ESR2: variants seen among roughly 807,000 people sequenced by gnomAD.
ESR2 encodes the protein estrogen receptor beta.
ESR2 carries 36 observed loss-of-function variants against 49.6 expected under a neutral mutation model. The ratio of observed to expected loss-of-function variants is 0.73; its 90% CI spans 0.56 to 0.96. The LOEUF (loss-of-function observed/expected upper bound fraction) is 0.96. Among genes scored for constraint, ESR2 ranks in the 40% least tolerant of loss-of-function variants. The pLI, the probability that ESR2 is intolerant of heterozygous loss-of-function variation, is 0.00. For synonymous variants in ESR2, 320 were observed against 266.1 expected (o/e 1.20, Z -1.97); for missense variants, 714 against 693.0 (o/e 1.03, Z -0.34).
rs1472427907 is a variant in ESR2, at chr14:64,229,526, C to G, written c.*3611G>C. 6.6e-6 allele frequency among the ~76,000 whole-genome samples: 1 copy of G among 152,126 alleles called. No homozygotes were observed. The highest frequency in any genetic ancestry group is 1.5e-5 in the Non-Finnish European group (1 of 68,018). On this transcript the variant is annotated 3_prime_UTR_variant, in exon 9 of 9. Coordinates refer to ENST00000341099, the MANE Select transcript of ESR2 (RefSeq NM_001437.3). ...ATTGTGGTGGGAGGTAAGGGGGTATCACAAGGGGGCCCCATTTAAATCACA... is the reference window on the plus strand; with the variant it reads ...ATTGTGGTGGGAGGTAAGGGGGTATGACAAGGGGGCCCCATTTAAATCACA...
In ESR2 at chr14:64,257,331, C is replaced by T. The variant is rs145661652; in HGVS notation, c.986G>A (p.Arg329Gln). Residue 329 changes from arginine to glutamine, a missense_variant, in exon 6 of 9, where the codon CGG (arginine) becomes CAG (glutamine). Coordinates refer to ENST00000341099, the MANE Select transcript of ESR2 (RefSeq NM_001437.3). Reference sequence around the variant, plus strand: ...CTCCATCCAACAGCTCTCCAAGAGCCGCACTTGGTCGAACAGGCTGAGCTC... The same window carrying T: ...CTCCATCCAACAGCTCTCCAAGAGCTGCACTTGGTCGAACAGGCTGAGCTC... Reference protein sequence around the residue: ...FVELSLFDQVRLLESCWMEVL... With the variant: ...FVELSLFDQVQLLESCWMEVL... 32 of 1,613,300 alleles carry T rather than the reference C, an allele frequency of 2.0e-5. No homozygotes were observed. Among genetic ancestry groups the T allele is most frequent in the African/African-American group, 5.3e-5 (4 of 74,868 alleles).
chr14:64,252,399 G>A (rs7157428), intron 6 of ESR2, among the ~76,000 whole-genome samples: 16,661 of 151,986 alleles, frequency 0.11, 1,240 homozygotes, highest in African/African-American at 0.21. Context: ...ACCTACTCAG[G>A]AAATTTATTT....
intron 1 of ESR2, chr14:64,332,407 T>G (rs1335090777): frequency 6.6e-6 from 1 of 152,222 alleles, no homozygotes; most frequent in African/African-American, 2.4e-5. Flanking sequence ...CAACAGAATG[T>G]AAATCTGGAT....
At position 64,249,193 on chromosome 14, in the gene ESR2, G is replaced by C. The variant is rs17101753; in HGVS notation, c.1225+353C>G. ...CTGAACGAATGAATCTGTAAAAAAG[G>C]AGGACCCCAGACATAAGTATAAATG... On this transcript the variant is annotated intron_variant, in intron 7 of 8. Transcript: ENST00000341099. Among the ~76,000 whole-genome samples the C allele has an allele frequency of 3.3e-5, 5 of 152,158 alleles. No individual in the cohort carries two copies. The South Asian group carries it at 8.3e-4, about 25-fold the overall frequency.
At chr14:64,263,654 AT>A (rs2076266958) in intron 4 of ESR2, among the ~76,000 whole-genome samples, 1 of 152,066 alleles carries the variant, frequency 6.6e-6, no homozygotes, top group Non-Finnish European at 1.5e-5. Flanking sequence ...GGTTGAAAAA[AT>A]AAATAAATAA....
Position 64,232,098 on chromosome 14 carries a change from A to G in ESR2, c.*1039T>C, listed in dbSNP as rs995763186. ...CAAGGGGCGTACTCATCAAGGCTAT[A>G]CAGTGTGGCCCCAGAGCTGACACAC... On this transcript the variant is annotated 3_prime_UTR_variant, in exon 9 of 9. Transcript: ENST00000341099. 2.6e-5 allele frequency: 4 copies of G among 152,188 alleles called. No individual in the cohort carries two copies. The highest frequency in any genetic ancestry group is 9.7e-5 in the African/African-American group (4 of 41,420). The allele number at this position is 152,188 out of a possible 1,614,324, so 9.4% of individuals were successfully genotyped here.
upstream of ESR2, among the ~76,000 whole-genome samples, chr14:64,295,013 C>T (rs1194920920): frequency 6.6e-6 from 1 of 152,204 alleles, no homozygotes; most frequent in Non-Finnish European, 1.5e-5. Context: ...TCTTCTCGGG[C>T]GAAGGCCCCT....
chr14:64,337,959 T>C (rs2077552309), exon 1 of ESR2: 1 of 152,774 alleles, frequency 6.5e-6, no homozygotes, highest in South Asian at 2.1e-4. Context: ...AGCAAGCACA[T>C]TCATCGGACT....
chr14:64,326,263 C>T (rs1397622949), intron 1 of ESR2, among the ~76,000 whole-genome samples: 1 of 152,090 alleles, frequency 6.6e-6, no homozygotes, highest in Non-Finnish European at 1.5e-5. Flanking sequence ...TTTCTACTGA[C>T]TACTCCTCAA....
chr14:64,275,429 A>C (rs553249157), intron 3 of ESR2, among the ~76,000 whole-genome samples: 17 of 152,166 alleles, frequency 1.1e-4, no homozygotes, highest in African/African-American at 3.9e-4. Context: ...ATTTGCATGA[A>C]ATATTTTTCC....
chr14:64,274,864 G>C (rs532750964), intron 3 of ESR2, among the ~76,000 whole-genome samples: 15 of 152,196 alleles, frequency 9.9e-5, no homozygotes, highest in Admixed American at 2.6e-4. Context: ...TTGACACACT[G>C]GTTGTTCAGG....
intron 1 of ESR2, among the ~76,000 whole-genome samples, chr14:64,286,303 TATTTC>T (rs1213946227): frequency 6.6e-6 from 1 of 152,132 alleles, no homozygotes; most frequent in Non-Finnish European, 1.5e-5. Flanking sequence ...TGGAATTTTA[TATTTC>T]ATTTTTTTTT....
chr14:64,273,940 C>CTTTTTTTTT, intron 3 of ESR2, among the ~76,000 whole-genome samples: 1 of 134,656 alleles, frequency 7.4e-6, no homozygotes, highest in Non-Finnish European at 1.6e-5. Flanking sequence ...TGCTGAGAGA[C>CTTTTTTTTT]TTTTTTTTTT....
intron 7 of ESR2, among the ~76,000 whole-genome samples, chr14:64,241,531 AAAC>A (rs1220073516): frequency 6.6e-6 from 1 of 152,238 alleles, no homozygotes; most frequent in Non-Finnish European, 1.5e-5. Flanking sequence ...TATAGATTGA[AAAC>A]AATACTGAAT....
At chr14:64,227,677 A>G (rs1015595117), downstream of ESR2, 5 of 1,610,972 alleles carry the variant, frequency 3.1e-6, no homozygotes, top group African/African-American at 6.7e-5. Context: ...TGCATTTCAA[A>G]GCTTAATATT....
downstream of ESR2, chr14:64,227,658 A>G (rs767489596): frequency 2.5e-6 from 4 of 1,613,604 alleles, 1 homozygote; most frequent in South Asian, 4.4e-5. Context: ...AGTGAAAGGA[A>G]GTGTGGTCTG....
intron 1 of ESR2, among the ~76,000 whole-genome samples, chr14:64,302,175 TA>T (rs1567790289): frequency 0.014 from 2,031 of 148,986 alleles, 60 homozygotes; most frequent in East Asian, 0.077. Context: ...TTTATTTATT[TA>T]TTTATTTATT....
At chr14:64,302,061 C>T (rs1439160239) in intron 1 of ESR2, among the ~76,000 whole-genome samples, 7 of 152,256 alleles carry the variant, frequency 4.6e-5, no homozygotes, top group Admixed American at 4.6e-4. Flanking sequence ...TAGAGAAAGA[C>T]CCCTGACACC....
chr14:64,231,345 G>A lies in ESR2; in HGVS notation c.*1792C>T, dbSNP rs774910066. ...CCTCTATTGGGAGTGGGGGATTCTA[G>A]GCTGACCAGGAGGAAAGAAGCTGAC... On this transcript the variant is annotated 3_prime_UTR_variant, in exon 9 of 9. Transcript: ENST00000341099. 6.6e-6 allele frequency: 1 copy of A among 152,060 alleles called. No homozygotes were observed. The highest frequency in any genetic ancestry group is 1.5e-5 in the Non-Finnish European group (1 of 68,008). The allele number at this position is 152,060 out of a possible 1,614,324, so 9.4% of individuals were successfully genotyped here.
Sources: allele counts gnomAD v4.1 joint callset (sites outside exome capture counted in the v4.1 genomes callset), GRCh38; gene constraint gnomAD v4.1.1; transcripts MANE v1.5; gene names NCBI Gene and HGNC (gene_info 2026-07-23, HGNC 2026-07-21).